GLRA1: variants seen among roughly 807,000 people sequenced by gnomAD.
GLRA1 encodes glycine receptor subunit alpha-1.
Under a neutral mutation model 48.3 loss-of-function variants are expected in GLRA1, and 37 were observed. The ratio of observed to expected loss-of-function variants is 0.77; its 90% CI spans 0.59 to 1.01. The LOEUF (loss-of-function observed/expected upper bound fraction) is 1.01, where lower values mean the gene tolerates loss of function less well. GLRA1 is among the 50% of genes least tolerant of loss of function. GLRA1 has a pLI of 0.00. For missense variants in GLRA1, 427 were observed against 571.0 expected (o/e 0.75, Z 2.57); for synonymous variants, 196 against 210.7 (o/e 0.93, Z 0.60).
intron 4 of GLRA1, among the ~76,000 whole-genome samples, chr5:151,857,058 G>C (rs1287135126): frequency 6.6e-6 from 1 of 152,118 alleles, no homozygotes; most frequent in African/African-American, 2.4e-5. Flanking sequence ...CTGTCCTCCA[G>C]GCTCCCAAAG....
intron 7 of GLRA1, among the ~76,000 whole-genome samples, chr5:151,830,431 G>A (rs1206936561): frequency 1.6e-4 from 24 of 152,224 alleles, no homozygotes; most frequent in Admixed American, 1.6e-3. Flanking sequence ...TTTATAGGGG[G>A]CTTTGGAAAG....
intron 3 of GLRA1, among the ~76,000 whole-genome samples, chr5:151,866,558 C>A (rs1753342007): frequency 6.6e-6 from 1 of 152,080 alleles, no homozygotes; most frequent in Non-Finnish European, 1.5e-5. Flanking sequence ...AGAGACATTG[C>A]ATCAAGAGGT....
At chr5:151,868,542 TTAA>T (rs1753395274) in intron 3 of GLRA1, among the ~76,000 whole-genome samples, 1 of 152,148 alleles carries the variant, frequency 6.6e-6, no homozygotes, top group Non-Finnish European at 1.5e-5. Context: ...ACCCAGGACG[TTAA>T]TGTCAGAGCC....
At chr5:151,842,117 A>G (rs779821333) in intron 7 of GLRA1, among the ~76,000 whole-genome samples, 10 of 152,042 alleles carry the variant, frequency 6.6e-5, no homozygotes, top group Non-Finnish European at 1.2e-4. Context: ...AGGAGATTGA[A>G]TTAGTAATAA....
Position 151,901,219 on chromosome 5 carries a change from T to C in GLRA1, c.57-8781A>G, listed in dbSNP as rs568973847. The stretch of plus-strand genomic sequence containing the variant: ...CCACATTCCTGCTTCCTTATGTCCT[T>C]ATTTATAATGCTACCACAACCATCT... On this transcript the variant is annotated intron_variant, in intron 1 of 8. Coordinates refer to ENST00000274576, the MANE Select transcript of GLRA1 (RefSeq NM_000171.4). Among the ~76,000 whole-genome samples the C allele has an allele frequency of 5.3e-5, 8 of 152,342 alleles. No individual in the cohort carries two copies. In the South Asian group the frequency reaches 1.7e-3, roughly 32 times the overall value.
At chr5:151,880,569 A>G (rs2113395142) in intron 3 of GLRA1, among the ~76,000 whole-genome samples, 1 of 151,290 alleles carries the variant, frequency 6.6e-6, no homozygotes, top group East Asian at 2.0e-4. Flanking sequence ...ACTGGGATTC[A>G]TGCCCAAAGG....
intron 1 of GLRA1, among the ~76,000 whole-genome samples, chr5:151,909,818 A>G (rs1581661858): frequency 6.6e-6 from 1 of 152,200 alleles, no homozygotes; most frequent in South Asian, 2.1e-4. Context: ...TTGACTTTGG[A>G]CAAGTCCCTT....
chr5:151,849,868 C>T, intron 7 of GLRA1: 1 of 1,442,548 alleles, frequency 6.9e-7, no homozygotes, highest in Non-Finnish European at 9.1e-7. Flanking sequence ...ATTTTGATGG[C>T]TCTAGTATTT....
intron 3 of GLRA1, among the ~76,000 whole-genome samples, chr5:151,870,924 C>G (rs1206691318): frequency 6.7e-6 from 1 of 149,820 alleles, no homozygotes; most frequent in East Asian, 1.9e-4. Context: ...TAAATTGGAA[C>G]AATTTGGCAG....
chr5:151,917,770 A>G (rs1754774948), intron 1 of GLRA1, among the ~76,000 whole-genome samples: 1 of 152,206 alleles, frequency 6.6e-6, no homozygotes. Flanking sequence ...GATTCTGTTG[A>G]TACTCAAGAC....
At chr5:151,916,655 G>C (rs989008353) in intron 1 of GLRA1, among the ~76,000 whole-genome samples, 4 of 152,218 alleles carry the variant, frequency 2.6e-5, no homozygotes, top group Admixed American at 2.6e-4. Flanking sequence ...CAGGAAGACT[G>C]TTAAGTGAGA....
chr5:151,911,909 C>T (rs545224915), intron 1 of GLRA1, among the ~76,000 whole-genome samples: 2 of 152,208 alleles, frequency 1.3e-5, no homozygotes, highest in African/African-American at 4.8e-5. Context: ...CGCCCGGCCC[C>T]AAGCTAGAGT....
intron 3 of GLRA1, among the ~76,000 whole-genome samples, chr5:151,865,366 C>T (rs963262828): frequency 6.6e-5 from 10 of 152,020 alleles, no homozygotes; most frequent in Admixed American, 2.6e-4. Context: ...AGACCAAATA[C>T]GGTTGAGCCA....
At chr5:151,888,459 C>T (rs965366956) in intron 2 of GLRA1, among the ~76,000 whole-genome samples, 4 of 152,138 alleles carry the variant, frequency 2.6e-5, no homozygotes, top group Non-Finnish European at 4.4e-5. Context: ...TTGATCTAGG[C>T]GGTCATTCTC....
At chr5:151,835,434 T>C (rs1486788849) in intron 7 of GLRA1, among the ~76,000 whole-genome samples, 1 of 152,148 alleles carries the variant, frequency 6.6e-6, no homozygotes, top group African/African-American at 2.4e-5. Flanking sequence ...GAGGCCAGCA[T>C]CATCCTGATA....
chr5:151,894,513 C>T lies in GLRA1; in HGVS notation c.57-2075G>A, dbSNP rs17112339. Among the ~76,000 whole-genome samples, 1,473 of 152,266 alleles carry T rather than the reference C, an allele frequency of 9.7e-3. 22 individuals are homozygous for T. The highest frequency in any genetic ancestry group is 0.033 in the African/African-American group (1,377 of 41,532). On this transcript the variant is annotated intron_variant, in intron 1 of 8. Coordinates refer to ENST00000274576, the MANE Select transcript of GLRA1 (RefSeq NM_000171.4). ...TATACTTCCACTCTCTAGGATTAGA[C>T]GCCTCAGAGCCATCTTGTCTTCTTG... is the stretch of plus-strand genomic sequence containing the variant.
intron 7 of GLRA1, chr5:151,850,062 T>C: frequency 1.2e-6 from 2 of 1,603,954 alleles, no homozygotes; most frequent in Non-Finnish European, 8.5e-7. Context: ...ACCAGCACCC[T>C]GGTTTGGCAT....
At chr5:151,887,823 T>C (rs949307186) in intron 2 of GLRA1, among the ~76,000 whole-genome samples, 3 of 152,152 alleles carry the variant, frequency 2.0e-5, no homozygotes, top group East Asian at 3.9e-4. Context: ...TGCAAGACCA[T>C]GGGTAAGAGT....
chr5:151,868,265 A>G (rs961313452), intron 3 of GLRA1, among the ~76,000 whole-genome samples: 1 of 152,244 alleles, frequency 6.6e-6, no homozygotes, highest in Non-Finnish European at 1.5e-5. Context: ...TGTGAAAACT[A>G]AAGCCCTAAA....
Sources: gnomAD v4.1 joint callset for allele counts (sites outside exome capture counted in the v4.1 genomes callset) on GRCh38, gnomAD v4.1.1 for gene constraint, MANE v1.5 for transcripts, NCBI Gene and HGNC (gene_info 2026-07-23, HGNC 2026-07-21) for gene names.